The following RERE variants were observed in gnomAD, a reference collection of about 807,000 sequenced individuals.
RERE encodes arginine-glutamic acid dipeptide repeats.
In RERE, 40 loss-of-function variants were observed where a neutral mutation model predicts 146.1. That is an observed-to-expected ratio of 0.27 (90% CI 0.21 to 0.36). The LOEUF (loss-of-function observed/expected upper bound fraction) is 0.36, where lower values mean the gene tolerates loss of function less well. Among genes scored for constraint, RERE ranks in the 10% least tolerant of loss-of-function variants. The probability of loss-of-function intolerance (pLI) is 1.00; values close to 1 mark genes in which losing one functional copy is unlikely to be tolerated. For missense variants in RERE, 1,933 were observed against 2,138.7 expected (o/e 0.90, Z 1.90); for synonymous variants, 1,003 against 866.0 (o/e 1.16, Z -2.78).
At chr1:8,358,939 G>A (rs777037685) in intron 19 of RERE, 23 bp from the exon 20 acceptor site, 2 of 1,507,702 alleles carry the variant, frequency 1.3e-6, no homozygotes, top group East Asian at 4.6e-5. Flanking sequence ...AAGAAAGCGT[G>A]AGGGGTCCCC....
chr1:8,537,262 G>C (rs996420344), intron 7 of RERE, among the ~76,000 whole-genome samples: 1 of 152,146 alleles, frequency 6.6e-6, no homozygotes, highest in Non-Finnish European at 1.5e-5. Flanking sequence ...CTAATACAGA[G>C]TCATAATCCC....
intron 1 of RERE, among the ~76,000 whole-genome samples, chr1:8,705,705 G>A (rs748368873): frequency 2.6e-5 from 4 of 152,130 alleles, no homozygotes; most frequent in Non-Finnish European, 4.4e-5. Context: ...ACACAAATCT[G>A]TTGAATGAAT....
intron 7 of RERE, among the ~76,000 whole-genome samples, chr1:8,521,766 G>A (rs1645504484): frequency 6.6e-6 from 1 of 152,094 alleles, no homozygotes; most frequent in Admixed American, 6.5e-5. Context: ...CACACTACCT[G>A]GCTCCAAATC....
At position 8,715,406 on chromosome 1, in the gene RERE, GAGGCTGAGGC is replaced by G. The variant is rs142229524; in HGVS notation, c.-144-58975_-144-58966del. Among the ~76,000 whole-genome samples the G allele has an allele frequency of 4.9e-3, 741 of 152,030 alleles. 3 individuals are homozygous for G. The highest frequency in any genetic ancestry group is 0.017 in the African/African-American group (712 of 41,494). On this transcript the variant is annotated intron_variant, in intron 1 of 22. Coordinates refer to ENST00000400908, the MANE Select transcript of RERE (RefSeq NM_001042681.2). The stretch of plus-strand genomic sequence containing the variant: ...GGCGCCTGTAATCCGTGCTACTGGG[GAGGCTGAGGC>G]AGGAGAATCGCTTGAACCCAGGAGG...
rs149090948 is a variant in RERE at position 8,358,769 on chromosome 1, G to A, written c.3766C>T (p.Leu1256=). The change falls in exon 20 of 23, where the codon CTG becomes TTG. Residue 1256 remains leucine (L), a synonymous_variant. Coordinates refer to ENST00000400908, the MANE Select transcript of RERE (RefSeq NM_001042681.2). ...IGPDTPALRT[L]SEYARPHVMS... is the part of the protein sequence containing the mutation. Reference sequence around the variant, plus strand: ...ACGTGGGGCCGGGCGTACTCGCTCAGAGTCCGAAGGGCAGGTGTGTCGGGC... The same window carrying A: ...ACGTGGGGCCGGGCGTACTCGCTCAAAGTCCGAAGGGCAGGTGTGTCGGGC... 2.5e-6 allele frequency: 4 copies of A among 1,612,674 alleles called. No individual in the cohort carries two copies. The African/African-American group carries it at 5.3e-5, about 22-fold the overall frequency.
intron 7 of RERE, chr1:8,525,695 C>A: frequency 6.7e-7 from 1 of 1,495,530 alleles, no homozygotes; most frequent in Admixed American, 2.3e-5. Context: ...TAAACACCTT[C>A]AGAAGTGAGA....
At chr1:8,441,950 T>TTTTTTTTTTTTTTTTTGAGACG in intron 11 of RERE, among the ~76,000 whole-genome samples, 1 of 151,488 alleles carries the variant, frequency 6.6e-6, no homozygotes, top group Non-Finnish European at 1.5e-5. Flanking sequence ...CACTTTTTGT[T>TTTTTTTTTTTTTTTTTGAGACG]GCAGGGAAGT....
At chr1:8,395,490 AG>A (rs1279429936) in intron 12 of RERE, among the ~76,000 whole-genome samples, 1 of 148,296 alleles carries the variant, frequency 6.7e-6, no homozygotes, top group Non-Finnish European at 1.5e-5. Flanking sequence ...AAAAAAAAAA[AG>A]AATGAACAAT....
At chr1:8,623,319 CA>C (rs1346233955) in intron 3 of RERE, among the ~76,000 whole-genome samples, 2 of 152,082 alleles carry the variant, frequency 1.3e-5, no homozygotes, top group Non-Finnish European at 1.5e-5. Flanking sequence ...GTTGTACTGG[CA>C]CGCACCTGTA....
chr1:8,554,986 G>C (rs1233527360), intron 6 of RERE, among the ~76,000 whole-genome samples: 18 of 152,216 alleles, frequency 1.2e-4, no homozygotes. Context: ...GCTTAAGCTT[G>C]GAAAGCCAAT....
rs140914970 is a variant in RERE, at chr1:8,392,022, G to C, written c.1285-26048C>G. ...AGCCTGGACAGCAGAGTGAGACTCT[G>C]CCTCAGAAAAAATAAATAAATAAAA... On this transcript the variant is annotated intron_variant, in intron 12 of 22. Transcript: ENST00000400908. 8.4e-3 allele frequency among the ~76,000 whole-genome samples: 1,276 copies of C among 152,242 alleles called. 15 individuals carry two copies. Among genetic ancestry groups the C allele is most frequent in the African/African-American group, 0.029 (1,219 of 41,528 alleles).
intron 8 of RERE, among the ~76,000 whole-genome samples, chr1:8,502,195 G>T (rs1225350389): frequency 1.4e-5 from 1 of 74,032 alleles, no homozygotes; most frequent in African/African-American, 6.2e-5. Flanking sequence ...CAGCCGCCCC[G>T]TCCGGGAGGG....
chr1:8,578,555 AT>A (rs1218768102), intron 4 of RERE, among the ~76,000 whole-genome samples: 1 of 152,192 alleles, frequency 6.6e-6, no homozygotes, highest in East Asian at 1.9e-4. Flanking sequence ...ATGAAATGTC[AT>A]TTATATTATA....
intron 2 of RERE, among the ~76,000 whole-genome samples, chr1:8,632,583 C>T (rs1402128434): frequency 2.0e-5 from 3 of 152,148 alleles, no homozygotes; most frequent in Non-Finnish European, 4.4e-5. Context: ...CCTGATTGTA[C>T]AGTAAATGGA....
chr1:8,720,230 G>A (rs1426906878), intron 1 of RERE, among the ~76,000 whole-genome samples: 9 of 148,492 alleles, frequency 6.1e-5, no homozygotes, highest in South Asian at 4.3e-4. Context: ...CCGAGATCGC[G>A]CCACAGCACT....
intron 1 of RERE, among the ~76,000 whole-genome samples, chr1:8,724,670 A>C (rs995487187): frequency 2.6e-5 from 4 of 151,966 alleles, no homozygotes; most frequent in African/African-American, 7.2e-5. Flanking sequence ...CGCTACTAAA[A>C]ATACAAAAAT....
chr1:8,721,207 A>G (rs1639857516), intron 1 of RERE, among the ~76,000 whole-genome samples: 1 of 152,236 alleles, frequency 6.6e-6, no homozygotes, highest in South Asian at 2.1e-4. Flanking sequence ...TGCTTCCCCA[A>G]GCCCCTGAAC....
chr1:8,515,402 C>T (rs535299843), intron 7 of RERE, among the ~76,000 whole-genome samples: 2 of 149,192 alleles, frequency 1.3e-5, no homozygotes, highest in Non-Finnish European at 3.0e-5. Flanking sequence ...TCACCTGAGG[C>T]AGGCAGGTCA....
chr1:8,727,302 G>A (rs1178997470), intron 1 of RERE, among the ~76,000 whole-genome samples: 1 of 149,488 alleles, frequency 6.7e-6, no homozygotes, highest in Non-Finnish European at 1.5e-5. Flanking sequence ...GCCACCATGC[G>A]CAGCTAATTT....
Sources: allele counts gnomAD v4.1 joint callset (sites outside exome capture counted in the v4.1 genomes callset), GRCh38; gene constraint gnomAD v4.1.1; transcripts MANE v1.5; gene names NCBI Gene and HGNC (gene_info 2026-07-23, HGNC 2026-07-21).